The following IGSF10 variants were observed in gnomAD, a reference collection of about 807,000 sequenced individuals.
IGSF10 encodes the protein immunoglobulin superfamily member 10.
A neutral mutation model predicts 128.2 loss-of-function variants in IGSF10; 126 were observed. The ratio of observed to expected loss-of-function variants is 0.98; its 90% confidence interval spans 0.85 to 1.14. IGSF10 has a LOEUF of 1.14. IGSF10 is among the 50% of genes most tolerant of loss of function. The pLI, the probability that IGSF10 is intolerant of heterozygous loss-of-function variation, is 0.00. For synonymous variants in IGSF10, 1,185 were observed against 1,146.2 expected (o/e 1.03, Z -0.68); for missense variants, 3,295 against 3,149.8 (o/e 1.05, Z -1.10).
the IGSF10 span, among the ~76,000 whole-genome samples, chr3:151,478,898 T>C: frequency 6.6e-6 from 1 of 152,212 alleles, no homozygotes; most frequent in South Asian, 2.1e-4. Flanking sequence ...TGATGTATGC[T>C]CAGAGAACAT....
chr3:151,511,955 T>C, the IGSF10 span, among the ~76,000 whole-genome samples: 2 of 152,124 alleles, frequency 1.3e-5, no homozygotes, highest in Admixed American at 1.3e-4. Context: ...AGCACCCAGA[T>C]TCATAAAGCA....
the IGSF10 span, among the ~76,000 whole-genome samples, chr3:151,556,907 C>G: frequency 6.6e-6 from 1 of 152,270 alleles, no homozygotes; most frequent in East Asian, 1.9e-4. Flanking sequence ...CTCTGGTCAT[C>G]TTACACAAAT....
the IGSF10 span, among the ~76,000 whole-genome samples, chr3:151,555,044 C>A: frequency 6.6e-6 from 1 of 152,086 alleles, no homozygotes; most frequent in African/African-American, 2.4e-5. Context: ...GCACCAGCTT[C>A]TGATTCAGGT....
downstream of IGSF10, chr3:151,432,891 C>T: frequency 1.0e-6 from 1 of 961,816 alleles, no homozygotes; most frequent in Non-Finnish European, 1.5e-6. Flanking sequence ...TTAAAAATGT[C>T]CCTTTTTTTC....
the IGSF10 span, among the ~76,000 whole-genome samples, chr3:151,507,282 C>T: frequency 6.6e-6 from 1 of 152,134 alleles, no homozygotes; most frequent in Non-Finnish European, 1.5e-5. Flanking sequence ...CATATTCCTC[C>T]TGGGAGCCAC....
the IGSF10 span, among the ~76,000 whole-genome samples, chr3:151,534,796 A>AGTGTGTGTGTGT: frequency 7.3e-3 from 946 of 129,436 alleles, 4 homozygotes; most frequent in Middle Eastern, 0.011. Flanking sequence ...CAGAATTTAA[A>AGTGTGTGTGTGT]GTGTATGTGT....
At position 151,446,332 on chromosome 3, in the gene IGSF10, C is replaced by T. The variant is rs1053621082; in HGVS notation, c.3649G>A (p.Gly1217Ser). Residue 1217 changes from glycine (G) to serine (S), a missense_variant, in exon 6 of 8, where the codon GGC (glycine) becomes AGC (serine). Physicochemically the swap from Gly to Ser is moderately conservative, Grantham distance 56 (BLOSUM62 0). Coordinates refer to ENST00000282466, the MANE Select transcript of IGSF10 (RefSeq NM_178822.5). ...QNFVNNHNPK[G>S]RLRNQHKVSL... ...ACTTTATGTTGATTCCTTAATCTGC[C>T]TTTTGGGTTATGGTTATTTACAAAG... 6.2e-7 allele frequency: 1 copy of T among 1,613,832 alleles called. No individual in the cohort carries two copies. The highest frequency in any genetic ancestry group is 1.1e-5 in the South Asian group (1 of 91,050).
chr3:151,580,586 C>G, the IGSF10 span, among the ~76,000 whole-genome samples: 1 of 152,110 alleles, frequency 6.6e-6, no homozygotes, highest in Non-Finnish European at 1.5e-5. Context: ...TGTTGTGACT[C>G]AAGATCATTA....
At chr3:151,571,050 T>A in the IGSF10 span, among the ~76,000 whole-genome samples, 1 of 152,276 alleles carries the variant, frequency 6.6e-6, no homozygotes, top group South Asian at 2.1e-4. Flanking sequence ...GTTGTAGATG[T>A]GTGGTGTTAT....
the IGSF10 span, among the ~76,000 whole-genome samples, chr3:151,496,137 ACGTGGTTTC>A: frequency 5.3e-5 from 8 of 152,074 alleles, no homozygotes; most frequent in Non-Finnish European, 5.9e-5. Context: ...TTGTATGTAC[ACGTGGTTTC>A]AGCAAAGTAG....
chr3:151,564,769 A>T, the IGSF10 span, among the ~76,000 whole-genome samples: 1,992 of 152,292 alleles, frequency 0.013, 15 homozygotes, highest in South Asian at 0.057. Context: ...GCATAATGAC[A>T]TGTGAGTTAC....
chr3:151,572,403 T>C, the IGSF10 span, among the ~76,000 whole-genome samples: 2 of 152,192 alleles, frequency 1.3e-5, no homozygotes, highest in Non-Finnish European at 2.9e-5. Flanking sequence ...TTAGAGCCTG[T>C]TATTGGTCTA....
At chr3:151,487,813 A>T in the IGSF10 span, among the ~76,000 whole-genome samples, 14 of 152,208 alleles carry the variant, frequency 9.2e-5, no homozygotes, top group Non-Finnish European at 1.3e-4. Context: ...TAAACTAGGC[A>T]TTGATGGAAC....
the IGSF10 span, among the ~76,000 whole-genome samples, chr3:151,583,187 A>G: frequency 6.6e-6 from 1 of 150,964 alleles, no homozygotes; most frequent in Admixed American, 6.6e-5. Flanking sequence ...TCTCTTTATT[A>G]TTTGTTCTTT....
the IGSF10 span, among the ~76,000 whole-genome samples, chr3:151,580,329 T>G: frequency 6.6e-5 from 10 of 152,034 alleles, no homozygotes; most frequent in Admixed American, 6.6e-4. Context: ...TAAGAGAACT[T>G]AAAGGAAGTT....
At chr3:151,477,034 C>T in the IGSF10 span, among the ~76,000 whole-genome samples, 1 of 152,200 alleles carries the variant, frequency 6.6e-6, no homozygotes, top group Non-Finnish European at 1.5e-5. Context: ...AACCCTTCTA[C>T]ACCACTGAGG....
upstream of IGSF10, among the ~76,000 whole-genome samples, chr3:151,466,007 G>A (rs968504855): frequency 1.3e-5 from 2 of 152,148 alleles, no homozygotes; most frequent in African/African-American, 4.8e-5. Flanking sequence ...CCTCACTTCT[G>A]ATTTCTGTAT....
chr3:151,578,358 C>T, the IGSF10 span, among the ~76,000 whole-genome samples: 1 of 152,162 alleles, frequency 6.6e-6, no homozygotes, highest in Admixed American at 6.5e-5. Context: ...GGTTACAATA[C>T]AAAAGCAGCT....
In IGSF10 at chr3:151,460,173, G is replaced by A. The variant is rs992775007; in HGVS notation, c.-2+88C>T. ...CCCACGTTCAAATTATTTAAAAGAG[G>A]ATCAATAGCATAAGACAACACATGA... On this transcript the variant is annotated intron_variant, in intron 2 of 7. Coordinates refer to ENST00000282466, the MANE Select transcript of IGSF10 (RefSeq NM_178822.5). The A allele has an allele frequency of 2.8e-5, 7 of 248,682 alleles. No individual in the cohort carries two copies. In the South Asian group the frequency reaches 9.0e-4, roughly 32 times the overall value. The allele number at this position is 248,682 out of a possible 1,614,324, so 15.4% of individuals were successfully genotyped here.
Sources: gnomAD v4.1 joint callset for allele counts (sites outside exome capture counted in the v4.1 genomes callset) on GRCh38, gnomAD v4.1.1 for gene constraint, MANE v1.5 for transcripts, NCBI Gene and HGNC (gene_info 2026-07-23, HGNC 2026-07-21) for gene names.